The following CNNM4 variants were observed in gnomAD, a reference collection of about 807,000 sequenced individuals.
CNNM4 encodes the protein metal transporter CNNM4.
In CNNM4, 32 loss-of-function variants were observed where a neutral mutation model predicts 53.7. That is an observed-to-expected ratio of 0.60 (90% confidence interval 0.45 to 0.80). The LOEUF (loss-of-function observed/expected upper bound fraction) is 0.80, where lower values mean the gene tolerates loss of function less well. Ranked by LOEUF, CNNM4 falls within the 30% of genes least tolerant of loss-of-function variation. The pLI, the probability that CNNM4 is intolerant of heterozygous loss-of-function variation, is 0.00. For missense variants in CNNM4, 784 were observed against 1,022.0 expected, an observed-to-expected ratio of 0.77 and a Z score of 3.17; for synonymous variants, 410 against 440.0, an observed-to-expected ratio of 0.93 and a Z score of 0.85.
At chr2:96,785,317 G>C (rs1209029515) in intron 1 of CNNM4, among the ~76,000 whole-genome samples, 1 of 151,870 alleles carries the variant, frequency 6.6e-6, no homozygotes, top group Non-Finnish European at 1.5e-5. Context: ...ATGTATTATA[G>C]AATGAACACA....
chr2:96,777,365 T>G (rs534143950), intron 1 of CNNM4, among the ~76,000 whole-genome samples: 2 of 152,144 alleles, frequency 1.3e-5, no homozygotes, highest in Non-Finnish European at 2.9e-5. Flanking sequence ...TATTTCTTTT[T>G]TGAGATACAG....
Position 96,797,723 on chromosome 2 carries a change from C to A in CNNM4, c.1681+76C>A. Reference sequence around the variant, plus strand: ...GAAGTCCTGGGTTTCCGGCTGCTTTCCCCCCATAGGACGAGGGCTGCAGCA... The same window carrying A: ...GAAGTCCTGGGTTTCCGGCTGCTTTACCCCCATAGGACGAGGGCTGCAGCA... On this transcript the variant is annotated intron_variant, in intron 3 of 6. Transcript: ENST00000377075. This position sits in a 1 kb window ranked among gnomAD's most constrained non-coding sequence, Gnocchi z 6.0. 6.3e-7 allele frequency: 1 copy of A among 1,585,696 alleles called. No individual in the cohort carries two copies. The highest frequency in any genetic ancestry group is 8.6e-7 in the Non-Finnish European group (1 of 1,167,594).
intron 1 of CNNM4, among the ~76,000 whole-genome samples, chr2:96,779,180 G>A (rs956720951): frequency 1.3e-5 from 2 of 152,198 alleles, no homozygotes; most frequent in South Asian, 4.1e-4. Context: ...GGATGGTCTC[G>A]ATCTCCTGAG....
At chr2:96,768,787 A>G (rs376986949) in intron 1 of CNNM4, among the ~76,000 whole-genome samples, 1 of 152,142 alleles carries the variant, frequency 6.6e-6, no homozygotes, top group African/African-American at 2.4e-5. Flanking sequence ...ACTTGAACTC[A>G]GTGGGTCTGG....
chr2:96,769,794 C>T (rs1001731887), intron 1 of CNNM4, among the ~76,000 whole-genome samples: 5 of 152,110 alleles, frequency 3.3e-5, no homozygotes, highest in African/African-American at 4.8e-5. Flanking sequence ...AAGTGGTGCC[C>T]GAAGGCAGCT....
chr2:96,789,161 G>A (rs570807818), intron 1 of CNNM4, among the ~76,000 whole-genome samples: 1 of 152,248 alleles, frequency 6.6e-6, no homozygotes, highest in Non-Finnish European at 1.5e-5. Context: ...GCCTCGCCAG[G>A]CTGCAGCCTG....
At chr2:96,763,391 C>G (rs1207374571) in intron 1 of CNNM4, among the ~76,000 whole-genome samples, 1 of 152,142 alleles carries the variant, frequency 6.6e-6, no homozygotes, top group Non-Finnish European at 1.5e-5. Flanking sequence ...GTAAACAAGC[C>G]AATTATGGAG....
At chr2:96,780,742 T>G (rs1215954737) in intron 1 of CNNM4, among the ~76,000 whole-genome samples, 1 of 152,042 alleles carries the variant, frequency 6.6e-6, no homozygotes, top group Non-Finnish European at 1.5e-5. Flanking sequence ...ATTTGTTTGT[T>G]TGTTTGTTTT....
chr2:96,790,029 G>A (rs1454785229), intron 1 of CNNM4, among the ~76,000 whole-genome samples: 1 of 93,868 alleles, frequency 1.1e-5, no homozygotes, highest in Non-Finnish European at 2.0e-5. Context: ...TTTTTTTTGA[G>A]ACGGAGTCTT....
chr2:96,801,469 CAG>C lies in CNNM4; in HGVS notation c.1948+1829_1948+1830del, dbSNP rs1184292374. Among the ~76,000 whole-genome samples, 7 of 151,554 alleles carry C rather than the reference CAG, an allele frequency of 4.6e-5. No homozygotes were observed. Among genetic ancestry groups the C allele is most frequent in the African/African-American group, 1.5e-4 (6 of 41,202 alleles). ...ACCACATGCAGAGAGACCGCACACACAGAGAGAGACCACACACACACAGAGAC... is the reference window on the plus strand; with the variant it reads ...ACCACATGCAGAGAGACCGCACACACAGAGAGACCACACACACACAGAGAC... On this transcript the variant is annotated intron_variant, in intron 5 of 6. Transcript: ENST00000377075. The surrounding 1 kb of genome is among the most constrained non-coding windows in gnomAD (Gnocchi z 5.6).
At chr2:96,783,433 G>T (rs534564715) in intron 1 of CNNM4, among the ~76,000 whole-genome samples, 1 of 152,286 alleles carries the variant, frequency 6.6e-6, no homozygotes, top group East Asian at 1.9e-4. Flanking sequence ...GAGAGATCCT[G>T]CTCCCAGGGA....
At position 96,799,557 on chromosome 2, in the gene CNNM4, G is replaced by A. The variant is rs948502204; in HGVS notation, c.1857G>A (p.Lys619=). The change falls in exon 5 of 7, where the codon AAG becomes AAA. Residue 619 remains lysine (K), a synonymous_variant. Coordinates refer to ENST00000377075, the MANE Select transcript of CNNM4 (RefSeq NM_020184.4). Reference sequence around the variant, plus strand: ...CCAGCCCTGTGTTTTTTCAGGGGAAGGTGGAGGTGGAGGCAGGGAAGGAGA... The same window carrying A: ...CCAGCCCTGTGTTTTTTCAGGGGAAAGTGGAGGTGGAGGCAGGGAAGGAGA... ...ADYFILILQG[K]VEVEAGKENM... 2 of 1,554,206 alleles carry A rather than the reference G, an allele frequency of 1.3e-6. No homozygotes were observed. Among genetic ancestry groups the A allele is most frequent in the Non-Finnish European group, 1.7e-6 (2 of 1,148,242 alleles).
intron 1 of CNNM4, among the ~76,000 whole-genome samples, chr2:96,767,464 C>T (rs2078828996): frequency 6.6e-6 from 1 of 152,184 alleles, no homozygotes; most frequent in African/African-American, 2.4e-5. Context: ...TTGTGTTTTG[C>T]CTTCACCACT....
Position 96,777,326 on chromosome 2 carries a change from T to G in CNNM4, c.1402+14925T>G, listed in dbSNP as rs1275296413. Among the ~76,000 whole-genome samples the G allele has an allele frequency of 3.3e-5, 5 of 152,258 alleles. No individual in the cohort carries two copies. The East Asian group carries it at 9.7e-4, about 29-fold the overall frequency. Reference sequence around the variant, plus strand: ...GAGCCACTGCGCCCGGCCTGTTGCCTGTTTTCTAGGAGGTTTGCCTTGCCT... The same window carrying G: ...GAGCCACTGCGCCCGGCCTGTTGCCGGTTTTCTAGGAGGTTTGCCTTGCCT... On this transcript the variant is annotated intron_variant, in intron 1 of 6. Transcript: ENST00000377075.
At chr2:96,776,760 G>A (rs751994257) in intron 1 of CNNM4, among the ~76,000 whole-genome samples, 8 of 152,120 alleles carry the variant, frequency 5.3e-5, no homozygotes, top group Non-Finnish European at 8.8e-5. Context: ...TTACAGGCAT[G>A]AGCCACCATA....
At chr2:96,809,240 C>T in intron 6 of CNNM4, 80 bp from the exon 7 acceptor site, 1 of 1,588,492 alleles carries the variant, frequency 6.3e-7, no homozygotes, top group Non-Finnish European at 8.6e-7. Context: ...AGCCTCAATC[C>T]TGGCCCTGTT....
At chr2:96,798,951 C>T in intron 3 of CNNM4, 106 bp from the exon 4 acceptor site, 1 of 1,176,210 alleles carries the variant, frequency 8.5e-7, no homozygotes, top group Non-Finnish European at 1.3e-6. Flanking sequence ...CGGGAGTCGT[C>T]TGAGCACAGC....
In CNNM4 at chr2:96,762,133, C is replaced by G; in HGVS notation, c.1134C>G (p.Thr378=). The G allele has an allele frequency of 6.2e-7, 1 of 1,614,102 alleles. No individual in the cohort carries two copies. The highest frequency in any genetic ancestry group is 8.5e-7 in the Non-Finnish European group (1 of 1,180,024). The change falls in exon 1 of 7, where the codon ACC becomes ACG. Residue 378 remains threonine, a synonymous_variant. Coordinates refer to ENST00000377075, the MANE Select transcript of CNNM4 (RefSeq NM_020184.4). ...LRTKTVEDIM[T]QLQDCFMIRS... is the part of the protein sequence containing the mutation. ...CCAAAACTGTAGAGGATATCATGAC[C>G]CAGCTCCAGGACTGCTTCATGATCC...
rs1423094791 is a variant in CNNM4 at position 96,776,089 on chromosome 2, C to T, written c.1402+13688C>T. Among the ~76,000 whole-genome samples the T allele has an allele frequency of 8.1e-5, 11 of 136,066 alleles. No homozygotes were observed. In the South Asian group the frequency reaches 2.5e-3, roughly 31 times the overall value. The allele number at this position is 136,066 out of a possible 152,430, so 89.3% of individuals were successfully genotyped here. On this transcript the variant is annotated intron_variant, in intron 1 of 6. Coordinates refer to ENST00000377075, the MANE Select transcript of CNNM4 (RefSeq NM_020184.4). Reference sequence around the variant, plus strand: ...TGTTGCCCAGGCTGGAGTGCAGTGGCGTGATCTCAGCTCACCACAACCTCC... The same window carrying T: ...TGTTGCCCAGGCTGGAGTGCAGTGGTGTGATCTCAGCTCACCACAACCTCC...
Sources: allele counts gnomAD v4.1 joint callset (sites outside exome capture counted in the v4.1 genomes callset), GRCh38; gene constraint gnomAD v4.1.1; non-coding constraint Gnocchi (gnomAD v3.1); transcripts MANE v1.5; gene names NCBI Gene and HGNC (gene_info 2026-07-23, HGNC 2026-07-21).